The following TRHDE variants were observed in gnomAD, a reference collection of about 807,000 sequenced individuals.
TRHDE encodes thyrotropin-releasing hormone-degrading ectoenzyme.
A neutral mutation model predicts 125.7 loss-of-function variants in TRHDE; 72 were observed. The observed-to-expected ratio is 0.57, with a 90% CI of 0.47 to 0.70. The LOEUF is 0.70. TRHDE is among the 30% of genes least tolerant of loss of function. The pLI is 0.00. For synonymous variants in TRHDE, 509 were observed against 509.1 expected (o/e 1.00, Z 0.00); for missense variants, 1,110 against 1,327.1 (o/e 0.84, Z 2.54).
At chr12:72,663,007 T>C (rs1874975110) in intron 18 of TRHDE, 45 bp from the exon 19 acceptor site, 1 of 1,569,086 alleles carries the variant, frequency 6.4e-7, no homozygotes, top group South Asian at 1.2e-5. Context: ...ACATGAGTTC[T>C]TTTTAAGACA....
At chr12:72,505,342 A>C (rs1337139358) in intron 6 of TRHDE, among the ~76,000 whole-genome samples, 1 of 152,198 alleles carries the variant, frequency 6.6e-6, no homozygotes, top group East Asian at 1.9e-4. Context: ...GTGTAATGGA[A>C]GCAGGAAAAT....
chr12:72,149,780 T>C (rs1876314962), intron 2 of TRHDE, among the ~76,000 whole-genome samples: 1 of 152,140 alleles, frequency 6.6e-6, no homozygotes. Context: ...TTTACTAAAA[T>C]TGGGTGAAAA....
At chr12:72,105,469 C>G (rs1001965835) in intron 1 of TRHDE, among the ~76,000 whole-genome samples, 17 of 152,122 alleles carry the variant, frequency 1.1e-4, no homozygotes, top group African/African-American at 3.9e-4. Flanking sequence ...AGATTATGGA[C>G]AGCTGTGAAT....
chr12:72,549,160 A>C (rs1869557521), intron 7 of TRHDE, among the ~76,000 whole-genome samples: 1 of 151,884 alleles, frequency 6.6e-6, no homozygotes, highest in Non-Finnish European at 1.5e-5. Flanking sequence ...GTTTGTGCTC[A>C]TAAAATTCTG....
chr12:72,571,978 C>CAT (rs935275059), intron 10 of TRHDE, among the ~76,000 whole-genome samples: 3 of 139,658 alleles, frequency 2.1e-5, no homozygotes, highest in African/African-American at 9.0e-5. Flanking sequence ...TCTGCAAACA[C>CAT]ACACACACAC....
intron 6 of TRHDE, among the ~76,000 whole-genome samples, chr12:72,530,627 C>A (rs1209324778): frequency 6.6e-6 from 1 of 150,782 alleles, no homozygotes; most frequent in African/African-American, 2.4e-5. Flanking sequence ...TCTCTCCAGA[C>A]TTCTAGATTT....
intron 7 of TRHDE, among the ~76,000 whole-genome samples, chr12:72,552,378 G>A (rs1869720211): frequency 6.6e-6 from 1 of 152,164 alleles, no homozygotes; most frequent in Non-Finnish European, 1.5e-5. Context: ...TAAATTCGGT[G>A]AAGAGAGTGG....
intron 7 of TRHDE, among the ~76,000 whole-genome samples, chr12:72,555,897 C>T (rs184795043): frequency 1.1e-4 from 17 of 152,244 alleles, no homozygotes; most frequent in Non-Finnish European, 1.6e-4. Context: ...TCAGAACTTA[C>T]GGTTCTCAGT....
intron 12 of TRHDE, among the ~76,000 whole-genome samples, chr12:72,591,749 T>TTTA (rs1055188469): frequency 4.0e-5 from 6 of 151,500 alleles, no homozygotes; most frequent in South Asian, 4.2e-4. Flanking sequence ...AAGAATTTTT[T>TTTA]TTATTATTAT....
At chr12:72,096,132 T>TACACACACACACACACACACACAC (rs1208734021) in intron 1 of TRHDE, among the ~76,000 whole-genome samples, 3 of 26,572 alleles carry the variant, frequency 1.1e-4, no homozygotes, top group African/African-American at 3.1e-4. Context: ...TTCTTATGTG[T>TACACACACACACACACACACACAC]ATACACACAC....
chr12:72,368,590 TC>T (rs2135760295), intron 2 of TRHDE, among the ~76,000 whole-genome samples: 1 of 152,214 alleles, frequency 6.6e-6, no homozygotes, highest in African/African-American at 2.4e-5. Context: ...TTATTGTGTC[TC>T]CCCCAGTGGA....
chr12:72,372,155 T>C (rs1242292187), intron 2 of TRHDE, among the ~76,000 whole-genome samples: 2 of 152,232 alleles, frequency 1.3e-5, no homozygotes, highest in Non-Finnish European at 2.9e-5. Flanking sequence ...ATGCTGAGCA[T>C]TTTTTCATGT....
At chr12:72,624,489 T>C (rs1370371374) in intron 15 of TRHDE, among the ~76,000 whole-genome samples, 1 of 151,892 alleles carries the variant, frequency 6.6e-6, no homozygotes, top group Admixed American at 6.6e-5. Context: ...TGTTGTACTA[T>C]TATGCAGCAT....
At chr12:72,261,811 G>A (rs1878956707) in intron 2 of TRHDE, among the ~76,000 whole-genome samples, 1 of 152,242 alleles carries the variant, frequency 6.6e-6, no homozygotes, top group South Asian at 2.1e-4. Flanking sequence ...CCTGGGAATT[G>A]AAAAATTCAA....
intron 2 of TRHDE, among the ~76,000 whole-genome samples, chr12:72,187,450 GGTGGTGGTGGTGGTGGTGGTTGTGGTC>G (rs1199785547): frequency 2.1e-5 from 3 of 145,910 alleles, no homozygotes; most frequent in South Asian, 2.3e-4. Context: ...TGGGGGGGGT[GGTGGTGGTGGTGGTGGTGGTTGTGGTC>G]GTGGTGGTGG....
chr12:72,378,536 G>A (rs1872001701), intron 3 of TRHDE, among the ~76,000 whole-genome samples: 1 of 152,124 alleles, frequency 6.6e-6, no homozygotes, highest in African/African-American at 2.4e-5. Flanking sequence ...TGAAGGGGTT[G>A]GGATTTCAAA....
intron 2 of TRHDE, among the ~76,000 whole-genome samples, chr12:72,182,177 G>A (rs1877108235): frequency 6.6e-6 from 1 of 152,060 alleles, no homozygotes; most frequent in Non-Finnish European, 1.5e-5. Flanking sequence ...ACCTTCTTTG[G>A]AATTTTCCCC....
At chr12:72,251,319 AC>A in intron 2 of TRHDE, among the ~76,000 whole-genome samples, 1 of 151,014 alleles carries the variant, frequency 6.6e-6, no homozygotes. Context: ...TACTGTATAT[AC>A]CCCCTGGAAA....
chr12:72,147,550 A>T (rs1466139764), intron 2 of TRHDE: 1 of 152,242 alleles, frequency 6.6e-6, no homozygotes, highest in African/African-American at 2.4e-5. Flanking sequence ...TGATAACAGC[A>T]TCTACTTATC....
Sources: allele counts gnomAD v4.1 joint callset (sites outside exome capture counted in the v4.1 genomes callset), GRCh38; gene constraint gnomAD v4.1.1; transcripts MANE v1.5; gene names NCBI Gene and HGNC (gene_info 2026-07-23, HGNC 2026-07-21).